Variants in ZNF185 observed in about 807,000 individuals in gnomAD.
The protein encoded by ZNF185 is zinc finger protein 185 with LIM domain.
Under a neutral mutation model 58.6 loss-of-function variants are expected in ZNF185, and 56 were observed. The observed-to-expected ratio is 0.95, with a 90% CI of 0.77 to 1.19. The LOEUF is 1.19. Among genes scored for constraint, ZNF185 ranks in the 50% most tolerant of loss-of-function variants. ZNF185 has a pLI of 0.00. For synonymous variants in ZNF185, 230 were observed against 215.9 expected, an observed-to-expected ratio of 1.07 and a Z score of -0.57; for missense variants, 627 against 573.5, an observed-to-expected ratio of 1.09 and a Z score of -0.95.
chrX:152,967,303 C>G lies in ZNF185; in HGVS notation c.1871+65C>G, dbSNP rs972936728. 3 of 1,068,593 alleles carry G rather than the reference C, an allele frequency of 2.8e-6. No individual in the cohort carries two copies. In the African/African-American group the frequency reaches 5.5e-5, roughly 19 times the overall value. The allele number at this position is 1,068,593 out of a possible 1,213,427, so 88.1% of individuals were successfully genotyped here. ...GAGGAGAATCAGGGAAGGGAGAGTT[C>G]CTGCTGAGTCTGTTTGCTTTTGTCT... On this transcript the variant is annotated intron_variant, in intron 20 of 22. Coordinates refer to ENST00000449285, the Ensembl canonical transcript of ZNF185.
the ZNF185 span, among the ~76,000 whole-genome samples, chrX:152,903,789 G>C: frequency 9.0e-6 from 1 of 111,705 alleles, no homozygotes; most frequent in East Asian, 2.8e-4. Flanking sequence ...TGAAAGCCAG[G>C]AGGAATCCCG....
At chrX:152,902,285 C>G in the ZNF185 span, among the ~76,000 whole-genome samples, 2 of 112,333 alleles carry the variant, frequency 1.8e-5, no homozygotes, top group Non-Finnish European at 3.8e-5. Flanking sequence ...ATCTGTAGGC[C>G]CAGCTCGGGC....
At position 152,923,443 on chromosome X, in the gene ZNF185, C is replaced by T. The variant is rs145049747; in HGVS notation, c.830+634C>T. On this transcript the variant is annotated intron_variant, in intron 11 of 22. Transcript: ENST00000449285. ...ACTGCCAGGGTGCTTCTCCTTTTCA[C>T]TCTCTCCCTCTCTTGATCTTCTCTG... Among the ~76,000 whole-genome samples the T allele has an allele frequency of 1.3e-3, 146 of 112,397 alleles. 1 individual carries two copies. The East Asian group carries it at 0.026, about 20-fold the overall frequency.
chrX:152,901,488 T>C, the ZNF185 span, among the ~76,000 whole-genome samples: 21 of 110,913 alleles, frequency 1.9e-4, no homozygotes, highest in Admixed American at 1.7e-3. Context: ...AGAAAAGTTG[T>C]ACGAATCGTG....
chrX:152,914,612 C>A, intron 1 of ZNF185, 89 bp downstream of exon 2: 1 of 1,158,515 alleles, frequency 8.6e-7, no homozygotes, highest in Admixed American at 2.6e-5. Flanking sequence ...ACTGTCCCAG[C>A]AGCAAAGGGA....
the ZNF185 span, among the ~76,000 whole-genome samples, chrX:152,898,108 A>ACCGCGCCCCGTGCC: frequency 9.6e-6 from 1 of 104,075 alleles, no homozygotes; most frequent in African/African-American, 3.4e-5. Context: ...CCCGCTGTGC[A>ACCGCGCCCCGTGCC]CCGCGCCCCG....
At chrX:152,959,506 C>T (rs1783512767) in intron 16 of ZNF185, among the ~76,000 whole-genome samples, 193 bp from the exon 19 acceptor site, 1 of 112,121 alleles carries the variant, frequency 8.9e-6, no homozygotes, top group Admixed American at 9.4e-5. Flanking sequence ...AAAGGAGCAG[C>T]ACTGCGGGGG....
chrX:152,933,326 T>C (rs1271915835), intron 14 of ZNF185, among the ~76,000 whole-genome samples: 2 of 112,496 alleles, frequency 1.8e-5, no homozygotes, highest in African/African-American at 6.5e-5. Flanking sequence ...GACTGAATGA[T>C]GGAAGAGTCG....
intron 17 of ZNF185, among the ~76,000 whole-genome samples, chrX:152,960,885 G>T (rs1285989873): frequency 8.9e-6 from 1 of 111,801 alleles, no homozygotes; most frequent in Non-Finnish European, 1.9e-5. Context: ...ACCCATTCCT[G>T]CCAGGTGAAC....
rs186257532 is a variant in ZNF185, at chrX:152,920,235, C to G, written c.531-93C>G. 997 of 909,724 alleles carry G rather than the reference C, an allele frequency of 1.1e-3. 10 individuals carry two copies. The African/African-American group carries it at 0.018, about 17-fold the overall frequency. The allele number at this position is 909,724 out of a possible 1,213,427, so 75.0% of individuals were successfully genotyped here. A position where few individuals can be genotyped will look rare whatever the true frequency, so the allele number is the denominator to read the frequency against. On this transcript the variant is annotated intron_variant, in intron 7 of 22. Coordinates refer to ENST00000449285, the Ensembl canonical transcript of ZNF185. Reference sequence around the variant, plus strand: ...CTCACCCCTTGCCTCCCTGGGGTGGCCCTAAGTCACCCCGAGTCCATCCCA... The same window carrying G: ...CTCACCCCTTGCCTCCCTGGGGTGGGCCTAAGTCACCCCGAGTCCATCCCA...
intron 16 of ZNF185, among the ~76,000 whole-genome samples, chrX:152,947,871 C>T (rs782049024): frequency 1.8e-5 from 2 of 111,857 alleles, no homozygotes; most frequent in South Asian, 7.6e-4. Context: ...GCTGACATTT[C>T]TCTCCATTTT....
Position 152,916,785 on chromosome X carries a change from G to A in ZNF185, c.225-346G>A, listed in dbSNP as rs372489049. Among the ~76,000 whole-genome samples the A allele has an allele frequency of 5.9e-4, 67 of 112,815 alleles. No homozygotes were observed. In the South Asian group the frequency reaches 0.024, roughly 40 times the overall value. On this transcript the variant is annotated intron_variant, in intron 3 of 22. Transcript: ENST00000449285. The stretch of plus-strand genomic sequence containing the variant: ...TGGTTCAGCCCCAAGCACAGAGGAT[G>A]GGAGGGCTGTCAGCTGAGAGCAGTG...
chrX:152,941,638 G>A, intron 15 of ZNF185: 2 of 1,148,224 alleles, frequency 1.7e-6, no homozygotes. Context: ...GCCTGCGTAG[G>A]CCGCCATTTC....
intron 20 of ZNF185, among the ~76,000 whole-genome samples, chrX:152,968,700 C>G (rs1355327828): frequency 8.9e-6 from 1 of 112,861 alleles, no homozygotes; most frequent in Admixed American, 9.3e-5. Context: ...GGGCTTCTGT[C>G]AGAAGCAGAC....
At chrX:152,936,573 C>A in intron 14 of ZNF185, 60 bp downstream of exon 16, 1 of 1,012,775 alleles carries the variant, frequency 9.9e-7, no homozygotes. Context: ...CCTTTGGGGC[C>A]CAGCCTCAGC....
chrX:152,952,327 A>T (rs1338509841), intron 16 of ZNF185, among the ~76,000 whole-genome samples: 1 of 112,573 alleles, frequency 8.9e-6, no homozygotes, highest in Non-Finnish European at 1.9e-5. Context: ...TGTTGTTTAC[A>T]CTGAAAGTAT....
chrX:152,922,653 C>T (rs1556870239), intron 10 of ZNF185, 67 bp from the exon 12 acceptor site: 7 of 1,022,123 alleles, frequency 6.8e-6, no homozygotes, highest in Non-Finnish European at 9.4e-6. Flanking sequence ...AAGTTAGCCA[C>T]ATTCAGCATG....
chrX:152,915,316 C>T (rs1938221235), intron 3 of ZNF185, 113 bp downstream of exon 4: 1 of 777,985 alleles, frequency 1.3e-6, no homozygotes, highest in Admixed American at 3.2e-5. Context: ...GGGATGCAGC[C>T]CCAGCCAAGG....
exon 17 of ZNF185, chrX:152,959,867 A>G (rs1556908798): frequency 1.7e-6 from 2 of 1,211,135 alleles, no homozygotes; most frequent in Admixed American, 2.2e-5. Flanking sequence ...GATCTGAGCA[A>G]TTCGTCAGAC....
Sources: allele counts gnomAD v4.1 joint callset (sites outside exome capture counted in the v4.1 genomes callset), GRCh38; gene constraint gnomAD v4.1.1; transcripts MANE v1.5; gene names NCBI Gene and HGNC (gene_info 2026-07-23, HGNC 2026-07-21).